EPN2: variants seen among roughly 807,000 people sequenced by gnomAD.
The protein encoded by EPN2 is epsin 2.
A neutral mutation model predicts 61.7 loss-of-function variants in EPN2; 34 were observed. The ratio of observed to expected loss-of-function variants is 0.55; its 90% CI spans 0.42 to 0.73. The LOEUF (loss-of-function observed/expected upper bound fraction) is 0.73, where lower values mean the gene tolerates loss of function less well. Ranked by LOEUF, EPN2 falls within the 30% of genes least tolerant of loss-of-function variation. EPN2 has a pLI of 0.00. For missense variants in EPN2, 714 were observed against 839.2 expected (o/e 0.85, Z 1.84); for synonymous variants, 349 against 353.6 (o/e 0.99, Z 0.15).
intron 5 of EPN2, among the ~76,000 whole-genome samples, chr17:19,310,865 A>G (rs1567864025): frequency 1.3e-5 from 2 of 152,068 alleles, no homozygotes; most frequent in East Asian, 3.9e-4. Flanking sequence ...GTCTTGGGCC[A>G]CCGTGCCTGG....
chr17:19,266,312 G>A (rs1235517497), intron 1 of EPN2, among the ~76,000 whole-genome samples: 1 of 152,108 alleles, frequency 6.6e-6, no homozygotes, highest in African/African-American at 2.4e-5. Context: ...ATATGACCCA[G>A]CAGCTTCACT....
chr17:19,238,793 G>A (rs2044847551), intron 1 of EPN2, among the ~76,000 whole-genome samples: 1 of 152,158 alleles, frequency 6.6e-6, no homozygotes, highest in African/African-American at 2.4e-5. Context: ...GAGAAGTAAT[G>A]AGTTATTCCT....
chr17:19,266,518 T>G (rs2045199909), intron 1 of EPN2, among the ~76,000 whole-genome samples: 1 of 151,892 alleles, frequency 6.6e-6, no homozygotes, highest in African/African-American at 2.4e-5. Flanking sequence ...TTCTCCTGCC[T>G]CAGCCTCCGG....
chr17:19,331,993 G>T lies in EPN2; in HGVS notation c.1552G>T (p.Ala518Ser). Residue 518 changes from alanine (A) to serine (S), a missense_variant, in exon 10 of 11, where the codon GCC (alanine) becomes TCC (serine). This residue lies in a region of EPN2 where 410 missense variants were observed against 421.8 expected (regional missense o/e 0.97). Transcript: ENST00000314728. ...TPESFLGPNA[A>S]LVNLDSLVTR... ...TGAGTCCTTCCTGGGCCCCAACGCG[G>T]CCCTGGTGAACCTGGACTCACTGGT... 1 of 1,614,028 alleles carries T rather than the reference G, an allele frequency of 6.2e-7. No individual in the cohort carries two copies. Among genetic ancestry groups the T allele is most frequent in the Non-Finnish European group, 8.5e-7 (1 of 1,180,008 alleles).
In EPN2 at chr17:19,309,991, T is replaced by C. The variant is rs201275040; in HGVS notation, c.873T>C (p.Ala291=). The C allele has an allele frequency of 3.7e-4, 596 of 1,605,552 alleles. 1 individual carries two copies. Among genetic ancestry groups the C allele is most frequent in the Non-Finnish European group, 4.3e-4 (505 of 1,179,382 alleles). Residue 291 remains alanine, a synonymous_variant, in exon 5 of 11, where the codon GCT becomes GCC. Coordinates refer to ENST00000314728, the MANE Select transcript of EPN2 (RefSeq NM_014964.5). ...CACTTGCCATGAGCAGAGAAGTGGC[T>C]GAGCAGGTCAGTGCCCCAGGCAGGT... is the stretch of plus-strand genomic sequence containing the variant. The part of the protein sequence containing the change: ...QLALAMSREV[A]EQEERLRRGD...
chr17:19,288,113 C>G (rs1185085156), intron 4 of EPN2, among the ~76,000 whole-genome samples: 2 of 152,234 alleles, frequency 1.3e-5, no homozygotes, highest in Non-Finnish European at 2.9e-5. Flanking sequence ...TTTGACGTTG[C>G]AGACCTCAGT....
chr17:19,275,194 T>C (rs2045293977), intron 1 of EPN2, among the ~76,000 whole-genome samples: 2 of 152,208 alleles, frequency 1.3e-5, no homozygotes, highest in African/African-American at 4.8e-5. Flanking sequence ...TCTGCACTCC[T>C]ACTTGAGGCC....
intron 1 of EPN2, among the ~76,000 whole-genome samples, chr17:19,280,725 C>CA (rs1465978740): frequency 3.9e-5 from 6 of 152,168 alleles, no homozygotes; most frequent in African/African-American, 1.4e-4. Flanking sequence ...ACTTTCTCCC[C>CA]ACGTAACAAG....
In EPN2 at chr17:19,331,887, T is replaced by C; in HGVS notation, c.1446T>C (p.Asn482=). 1 of 1,614,170 alleles carries C rather than the reference T, an allele frequency of 6.2e-7. No homozygotes were observed. Among genetic ancestry groups the C allele is most frequent in the South Asian group, 1.1e-5 (1 of 91,082 alleles). Reference sequence around the variant, plus strand: ...TGACCTCTCTGCCATCCCAAAACAATGGAACTACCAGCCCTGACCCCTTTG... The same window carrying C: ...TGACCTCTCTGCCATCCCAAAACAACGGAACTACCAGCCCTGACCCCTTTG... The part of the protein sequence containing the change: ...ESVTSLPSQN[N]GTTSPDPFES... Residue 482 remains asparagine (N), a synonymous_variant, in exon 10 of 11, where the codon AAT becomes AAC. Transcript: ENST00000314728.
chr17:19,254,154 AAG>A (rs1439151566), intron 1 of EPN2, among the ~76,000 whole-genome samples: 1 of 149,962 alleles, frequency 6.7e-6, no homozygotes, highest in Non-Finnish European at 1.5e-5. Context: ...GAGAGAGAGA[AAG>A]AGAAAGAAAG....
intron 4 of EPN2, among the ~76,000 whole-genome samples, chr17:19,301,019 C>T (rs977987582): frequency 1.3e-5 from 2 of 152,238 alleles, no homozygotes; most frequent in South Asian, 2.1e-4. Flanking sequence ...CCTTCCCATT[C>T]GAGGACCACG....
At chr17:19,292,648 G>A (rs2045476814) in intron 4 of EPN2, among the ~76,000 whole-genome samples, 1 of 152,256 alleles carries the variant, frequency 6.6e-6, no homozygotes, top group Non-Finnish European at 1.5e-5. Context: ...TATAAAAGAT[G>A]CTCGTTCTTG....
chr17:19,260,227 G>A (rs185740427), intron 1 of EPN2, among the ~76,000 whole-genome samples: 270 of 152,322 alleles, frequency 1.8e-3, no homozygotes, highest in African/African-American at 6.3e-3. Context: ...ATGATGGGAG[G>A]GACACAGGGC....
At chr17:19,269,971 CA>C (rs1328727021) in intron 1 of EPN2, among the ~76,000 whole-genome samples, 1 of 152,152 alleles carries the variant, frequency 6.6e-6, no homozygotes, top group African/African-American at 2.4e-5. Context: ...CGATTTTGAG[CA>C]CTGAATTTGT....
chr17:19,329,471 C>T (rs2152239749), intron 8 of EPN2, 90 bp from the exon 9 acceptor site: 1 of 738,810 alleles, frequency 1.4e-6, no homozygotes, highest in Non-Finnish European at 2.3e-6. Flanking sequence ...GCCCCTGTTG[C>T]CAGCCCATCC....
intron 4 of EPN2, chr17:19,303,831 G>A (rs1412469831): frequency 1.3e-5 from 2 of 151,328 alleles, no homozygotes; most frequent in East Asian, 3.9e-4. Context: ...TAGTCCGGGT[G>A]GGGTGGCTCA....
chr17:19,291,654 A>G (rs1281207336), intron 4 of EPN2, among the ~76,000 whole-genome samples: 3 of 151,768 alleles, frequency 2.0e-5, no homozygotes, highest in Non-Finnish European at 4.4e-5. Flanking sequence ...GTTAGCCATG[A>G]TGGTCTTGAT....
At position 19,336,067 on chromosome 17, in the gene EPN2, G is replaced by A. The variant is rs754077521; in HGVS notation, c.*1813G>A. 8 of 152,280 alleles carry A rather than the reference G, an allele frequency of 5.3e-5. No homozygotes were observed. The highest frequency in any genetic ancestry group is 2.6e-4 in the Admixed American group (4 of 15,274). 9.4% of individuals were successfully genotyped at this position (152,280 alleles called of 1,614,324 possible). ...ATCTTAAATGGTCTCTGGGCTGCTG[G>A]GACATGCAGGCTCTGAGTGGGGACT... is the stretch of plus-strand genomic sequence containing the variant. On this transcript the variant is annotated 3_prime_UTR_variant, in exon 11 of 11. Transcript: ENST00000314728.
chr17:19,324,982 T>G (rs537373959), intron 7 of EPN2, among the ~76,000 whole-genome samples: 2 of 152,192 alleles, frequency 1.3e-5, no homozygotes, highest in African/African-American at 2.4e-5. Context: ...TTTGATCAGC[T>G]CTGTGCTTAC....
Sources: gnomAD v4.1 joint callset for allele counts (sites outside exome capture counted in the v4.1 genomes callset) on GRCh38, gnomAD v4.1.1 for gene constraint, gnomAD v4.1.1 regional missense constraint, MANE v1.5 for transcripts, NCBI Gene and HGNC (gene_info 2026-07-23, HGNC 2026-07-21) for gene names.